Variants in MYOF observed in about 807,000 individuals in gnomAD.
The protein encoded by MYOF is myoferlin, also known as fer-1-like 3, myoferlin.
MYOF carries 244 observed loss-of-function variants against 284.2 expected under a neutral mutation model. The ratio of observed to expected loss-of-function variants is 0.86; its 90% confidence interval spans 0.77 to 0.95. The LOEUF is 0.95. Ranked by LOEUF, MYOF falls within the 40% of genes least tolerant of loss-of-function variation. The pLI is 0.00. For missense variants in MYOF, 2,496 were observed against 2,560.6 expected, an observed-to-expected ratio of 0.97 and a Z score of 0.54; for synonymous variants, 904 against 919.7, an observed-to-expected ratio of 0.98 and a Z score of 0.31.
chr10:93,314,524 T>G (rs1156711759), intron 50 of MYOF, among the ~76,000 whole-genome samples: 1 of 152,246 alleles, frequency 6.6e-6, no homozygotes, highest in Non-Finnish European at 1.5e-5. Context: ...GGCAAGAGTC[T>G]GGCCTTCAGC....
chr10:93,383,594 G>A (rs770920037), intron 19 of MYOF, among the ~76,000 whole-genome samples: 9 of 152,214 alleles, frequency 5.9e-5, no homozygotes, highest in Non-Finnish European at 8.8e-5. Flanking sequence ...CCAGAATGAT[G>A]TGGAAATTCT....
rs776485945 is a variant in MYOF at position 93,333,294 on chromosome 10, T to C, written c.4738A>G (p.Ile1580Val). 2 of 1,613,902 alleles carry C rather than the reference T, an allele frequency of 1.2e-6. No homozygotes were observed. The highest frequency in any genetic ancestry group is 1.3e-5 in the African/African-American group (1 of 74,924). Residue 1580 changes from isoleucine (I) to valine (V), a missense_variant, in exon 43 of 54, where the codon ATA (isoleucine) becomes GTA (valine). Transcript: ENST00000359263. Reference sequence around the variant, plus strand: ...TCAATGACTTTTTTGCCCAGTGTTATTTTTATGTAAGGGTCACACTGTGGG... The same window carrying C: ...TCAATGACTTTTTTGCCCAGTGTTACTTTTATGTAAGGGTCACACTGTGGG... ...NNGLCDPYIKITLGKKVIEDR... is the reference protein window; with the variant it reads ...NNGLCDPYIKVTLGKKVIEDR...
At chr10:93,479,344 C>G (rs542856133) in intron 1 of MYOF, among the ~76,000 whole-genome samples, 1 of 152,232 alleles carries the variant, frequency 6.6e-6, no homozygotes, top group South Asian at 2.1e-4. Context: ...TGAAGTGTGT[C>G]TGCCTTTGTT....
rs1564610001 is a variant in MYOF, at chr10:93,313,209, A to G, written c.5700T>C (p.Gly1900=). 1 of 1,612,102 alleles carries G rather than the reference A, an allele frequency of 6.2e-7. No individual in the cohort carries two copies. ...TGTGACGCAAGTCAAGTTCTAGGAAACCTAGCCAAGGAAACAACAGTAAGT... is the reference window on the plus strand; with the variant it reads ...TGTGACGCAAGTCAAGTTCTAGGAAGCCTAGCCAAGGAAACAACAGTAAGT... ...NDKFSLDDYL[G]FLELDLRHTI... is the part of the protein sequence containing the mutation. The change falls in exon 51 of 54, where the codon GGT becomes GGC. Residue 1900 remains glycine (G), a splice_region_variant and synonymous_variant. Coordinates refer to ENST00000359263, the MANE Select transcript of MYOF (RefSeq NM_013451.4).
In MYOF at chr10:93,323,243, A is replaced by G. The variant is rs750027562; in HGVS notation, c.5360+27T>C. ...ACCAAGTCCCCAGCCCAGTGTATGT[A>G]TCAGGGTCTCAGGATGACTGACTTA... On this transcript the variant is annotated intron_variant, in intron 47 of 53. Coordinates refer to ENST00000359263, the MANE Select transcript of MYOF (RefSeq NM_013451.4). The G allele has an allele frequency of 3.1e-6, 5 of 1,613,856 alleles. No individual in the cohort carries two copies. The South Asian group carries it at 4.4e-5, about 14-fold the overall frequency.
intron 5 of MYOF, among the ~76,000 whole-genome samples, chr10:93,417,227 G>A (rs1848170166): frequency 6.6e-6 from 1 of 151,462 alleles, no homozygotes; most frequent in Admixed American, 6.6e-5. Flanking sequence ...ACACTGACCT[G>A]TCTCCTTTCT....
intron 23 of MYOF, among the ~76,000 whole-genome samples, chr10:93,373,793 G>A (rs984683924): frequency 1.3e-5 from 2 of 152,130 alleles, no homozygotes; most frequent in Non-Finnish European, 2.9e-5. Flanking sequence ...CTAGTCCACC[G>A]AAGTTAGTGG....
intron 38 of MYOF, among the ~76,000 whole-genome samples, chr10:93,340,687 A>T (rs1843858261): frequency 6.6e-6 from 1 of 152,206 alleles, no homozygotes. Flanking sequence ...TACAGCACCA[A>T]ATAAATACTC....
At chr10:93,465,959 C>T (rs1452420516) in intron 1 of MYOF, among the ~76,000 whole-genome samples, 1 of 152,194 alleles carries the variant, frequency 6.6e-6, no homozygotes, top group Non-Finnish European at 1.5e-5. Context: ...ATATTTCTTC[C>T]ACGTGGCTCC....
At chr10:93,459,535 A>G (rs111649408) in intron 1 of MYOF, among the ~76,000 whole-genome samples, 3 of 152,314 alleles carry the variant, frequency 2.0e-5, no homozygotes, top group African/African-American at 7.2e-5. Flanking sequence ...AAACAGCCAG[A>G]TTTTGAACTA....
At chr10:93,411,901 C>T (rs1847915675) in intron 5 of MYOF, among the ~76,000 whole-genome samples, 1 of 152,192 alleles carries the variant, frequency 6.6e-6, no homozygotes. Context: ...TCTCCTCCCC[C>T]GATCTGCTTT....
intron 3 of MYOF, among the ~76,000 whole-genome samples, chr10:93,441,859 G>A (rs4917779): frequency 0.18 from 27,455 of 151,944 alleles, 2,922 homozygotes; most frequent in Middle Eastern, 0.27. Context: ...CACCGTGCCC[G>A]GCCGAGAGTT....
At chr10:93,325,724 A>C in intron 46 of MYOF, 102 bp downstream of exon 46, 1 of 1,348,334 alleles carries the variant, frequency 7.4e-7, no homozygotes, top group Non-Finnish European at 1.0e-6. Context: ...ATTTCTGTGC[A>C]TCTCAAAGTA....
chr10:93,401,659 G>T, intron 11 of MYOF, 115 bp from the exon 12 acceptor site: 2 of 1,396,216 alleles, frequency 1.4e-6, no homozygotes, highest in Non-Finnish European at 1.9e-6. Context: ...GATTTCCTGT[G>T]TTTGGGGCTT....
chr10:93,349,044 G>A (rs1449155777), intron 36 of MYOF, among the ~76,000 whole-genome samples: 1 of 152,138 alleles, frequency 6.6e-6, no homozygotes, highest in Non-Finnish European at 1.5e-5. Flanking sequence ...AGACATCAAG[G>A]TCAGGAAAAT....
chr10:93,356,023 G>A (rs1589436225), intron 30 of MYOF, among the ~76,000 whole-genome samples: 1 of 152,138 alleles, frequency 6.6e-6, no homozygotes, highest in East Asian at 1.9e-4. Flanking sequence ...AAGGAAAAAT[G>A]TAGAGGATAA....
rs701862 is a variant in MYOF at position 93,399,268 on chromosome 10, T to A, written c.1221+124A>T. ...TCAGACTCAGATAATCTGTGTTCCC[T>A]CAGAGTGCCTGGCTCATCAGGGGGC... On this transcript the variant is annotated intron_variant, in intron 13 of 53. Coordinates refer to ENST00000359263, the MANE Select transcript of MYOF (RefSeq NM_013451.4). The A allele has an allele frequency of 2.6e-5, 18 of 685,874 alleles. No homozygotes were observed. In the Admixed American group the frequency reaches 4.0e-4, roughly 15 times the overall value. The allele number at this position is 685,874 out of a possible 1,614,324, so 42.5% of individuals were successfully genotyped here. A position where few individuals can be genotyped will look rare whatever the true frequency, so the allele number is the denominator to read the frequency against.
intron 26 of MYOF, among the ~76,000 whole-genome samples, chr10:93,365,733 C>T (rs1227774977): frequency 6.6e-6 from 1 of 152,150 alleles, no homozygotes; most frequent in Non-Finnish European, 1.5e-5. Context: ...CACTGACTAC[C>T]TTTGTTATGG....
chr10:93,444,742 G>A (rs1459690280), intron 3 of MYOF, among the ~76,000 whole-genome samples: 2 of 152,234 alleles, frequency 1.3e-5, no homozygotes, highest in East Asian at 3.8e-4. Context: ...CTGGGCATGT[G>A]TGTCCACGTG....
Sources: allele counts gnomAD v4.1 joint callset (sites outside exome capture counted in the v4.1 genomes callset), GRCh38; gene constraint gnomAD v4.1.1; transcripts MANE v1.5; gene names NCBI Gene and HGNC (gene_info 2026-07-23, HGNC 2026-07-21).